Variants in FGF14 observed in about 807,000 individuals in gnomAD.
The protein encoded by FGF14 is fibroblast growth factor 14.
Under a neutral mutation model 25.5 loss-of-function variants are expected in FGF14, and 5 were observed. That is an observed-to-expected ratio of 0.20 (90% CI 0.10 to 0.41). The LOEUF (loss-of-function observed/expected upper bound fraction) is 0.41, where lower values mean the gene tolerates loss of function less well. FGF14 is among the 10% of genes least tolerant of loss of function. FGF14 has a pLI of 1.00. For synonymous variants in FGF14, 138 were observed against 118.3 expected, an observed-to-expected ratio of 1.17 and a Z score of -1.08; for missense variants, 222 against 320.1, an observed-to-expected ratio of 0.69 and a Z score of 2.34.
At position 101,823,783 on chromosome 13, in the gene FGF14, A is replaced by G. The variant is rs538982590; in HGVS notation, c.408+44942T>C. ...ATATCTTATACAAGATATACTATGT[A>G]TAGTATCTATAAAGATACATATTAT... On this transcript the variant is annotated intron_variant, in intron 3 of 4. Coordinates refer to ENST00000376143, the MANE Select transcript of FGF14 (RefSeq NM_004115.4). Among the ~76,000 whole-genome samples, 4 of 150,162 alleles carry G rather than the reference A, an allele frequency of 2.7e-5. 1 individual carries two copies. Among genetic ancestry groups the G allele is most frequent in the African/African-American group, 9.7e-5 (4 of 41,174 alleles).
At chr13:102,161,650 A>G (rs1390447713) in intron 1 of FGF14, among the ~76,000 whole-genome samples, 495 of 42,800 alleles carry the variant, frequency 0.012, 21 homozygotes, top group Non-Finnish European at 0.018. Flanking sequence ...GAAGAAGAAG[A>G]AGAAGAAGAA....
rs1242268201 is a variant in FGF14, at chr13:102,256,815, G to T, written c.208+144656C>A. Among the ~76,000 whole-genome samples the T allele has an allele frequency of 6.6e-5, 10 of 152,102 alleles. No individual in the cohort carries two copies. The East Asian group carries it at 1.9e-3, about 29-fold the overall frequency. ...TAATACAATAAAATTAGTCCATGTA[G>T]AACAGTTTGACTTTAAGTTATATGT... On this transcript the variant is annotated intron_variant, in intron 1 of 4. Transcript: ENST00000376131.
At chr13:102,286,607 T>C (rs538606767) in intron 1 of FGF14, among the ~76,000 whole-genome samples, 1 of 152,280 alleles carries the variant, frequency 6.6e-6, no homozygotes, top group East Asian at 1.9e-4. Context: ...TAAATAAATG[T>C]ATCCGTGAAT....
intron 1 of FGF14, among the ~76,000 whole-genome samples, chr13:102,120,024 C>A (rs1344533113): frequency 6.6e-6 from 1 of 152,144 alleles, no homozygotes; most frequent in Non-Finnish European, 1.5e-5. Context: ...TAGATTCTGG[C>A]ATCTCCTGGC....
chr13:101,959,145 G>A (rs892041174), intron 1 of FGF14, among the ~76,000 whole-genome samples: 6 of 152,008 alleles, frequency 3.9e-5, no homozygotes, highest in Admixed American at 6.6e-5. Flanking sequence ...TAGATCCCTC[G>A]CATGCACAGT....
At chr13:102,182,118 T>G (rs2048700099) in intron 1 of FGF14, among the ~76,000 whole-genome samples, 1 of 152,134 alleles carries the variant, frequency 6.6e-6, no homozygotes, top group African/African-American at 2.4e-5. Context: ...GTGGGCCCAG[T>G]GTAATCACAT....
At chr13:101,942,324 G>A (rs542453455) in intron 1 of FGF14, among the ~76,000 whole-genome samples, 1 of 152,052 alleles carries the variant, frequency 6.6e-6, no homozygotes, top group South Asian at 2.1e-4. Context: ...CCCTTAGACA[G>A]AGCAGAAGCC....
chr13:102,246,288 C>A (rs1202636082), intron 1 of FGF14, among the ~76,000 whole-genome samples: 1 of 152,040 alleles, frequency 6.6e-6, no homozygotes, highest in African/African-American at 2.4e-5. Context: ...CACCCCTTGG[C>A]AGTCATTATA....
At position 101,721,674 on chromosome 13, in the gene FGF14, T is replaced by TAACG. The variant is rs1482210451; in HGVS notation, c.*1153_*1156dup. The TAACG allele has an allele frequency of 1.3e-5, 2 of 152,244 alleles. No homozygotes were observed. The highest frequency in any genetic ancestry group is 4.8e-5 in the African/African-American group (2 of 41,550). The allele number at this position is 152,244 out of a possible 1,614,324, so 9.4% of individuals were successfully genotyped here. A position where few individuals can be genotyped will look rare whatever the true frequency, so the allele number is the denominator to read the frequency against. On this transcript the variant is annotated 3_prime_UTR_variant, in exon 5 of 5. Coordinates refer to ENST00000376143, the MANE Select transcript of FGF14 (RefSeq NM_004115.4). Reference sequence around the variant, plus strand: ...TATTAAAGTCTAATTAATTTATAACTAACGTTTGCATTGCTGCTGCAGGAA... The same window carrying TAACG: ...TATTAAAGTCTAATTAATTTATAACTAACGAACGTTTGCATTGCTGCTGCAGGAA...
At chr13:102,393,914 T>C (rs1267104504) in intron 1 of FGF14, 2 of 152,174 alleles carry the variant, frequency 1.3e-5, no homozygotes, top group Non-Finnish European at 2.9e-5. Flanking sequence ...ACAATTTAAA[T>C]ATATAGTTAA....
chr13:102,155,229 T>C lies in FGF14; in HGVS notation c.208+246242A>G, dbSNP rs1487202685. Among the ~76,000 whole-genome samples, 5 of 152,120 alleles carry C rather than the reference T, an allele frequency of 3.3e-5. No homozygotes were observed. In the South Asian group the frequency reaches 8.3e-4, roughly 25 times the overall value. ...ATATACATTCTTTTCAGCACCACAC[T>C]ACACCTATTCCAAAATTGACCACAT... On this transcript the variant is annotated intron_variant, in intron 1 of 4. Coordinates refer to the FGF14 transcript ENST00000376131.
chr13:101,832,260 CAGAG>C (rs2042707007), intron 3 of FGF14, among the ~76,000 whole-genome samples: 1 of 151,950 alleles, frequency 6.6e-6, no homozygotes, highest in Non-Finnish European at 1.5e-5. Context: ...CTAAGTGCTC[CAGAG>C]AGAGCACGGC....
chr13:101,873,780 A>C (rs2045242588), intron 2 of FGF14, among the ~76,000 whole-genome samples: 1 of 152,116 alleles, frequency 6.6e-6, no homozygotes, highest in Non-Finnish European at 1.5e-5. Context: ...AAGCTGCAAA[A>C]GTACATGTTT....
At chr13:102,372,994 T>A (rs2057933198) in intron 1 of FGF14, among the ~76,000 whole-genome samples, 1 of 152,108 alleles carries the variant, frequency 6.6e-6, no homozygotes, top group South Asian at 2.1e-4. Context: ...GAGGTGAAAC[T>A]CAAACACAGC....
chr13:101,793,240 AT>A (rs1225523370), intron 3 of FGF14, among the ~76,000 whole-genome samples: 1 of 152,172 alleles, frequency 6.6e-6, no homozygotes, highest in African/African-American at 2.4e-5. Flanking sequence ...ATTGTTTTAC[AT>A]TCCACATATA....
At chr13:102,401,580 A>G (rs913297501) in exon 1 of FGF14, 4 of 1,614,074 alleles carry the variant, frequency 2.5e-6, no homozygotes, top group African/African-American at 1.3e-5. Flanking sequence ...GCGAAAAGCA[A>G]TCCAGCAGCT....
chr13:101,714,767 T>C lies in FGF14; in HGVS notation c.*8064A>G, dbSNP rs1465434629. On this transcript the variant is annotated 3_prime_UTR_variant, in exon 5 of 5. Coordinates refer to ENST00000376143, the MANE Select transcript of FGF14 (RefSeq NM_004115.4). ...AATACAAGAGAATGAAGCTAAATTTTGTGATTATTTGGGATCCTTCCACAA... is the reference window on the plus strand; with the variant it reads ...AATACAAGAGAATGAAGCTAAATTTCGTGATTATTTGGGATCCTTCCACAA... The C allele has an allele frequency of 1.9e-6, 1 of 536,678 alleles. No individual in the cohort carries two copies. Among genetic ancestry groups the C allele is most frequent in the Non-Finnish European group, 3.3e-6 (1 of 301,856 alleles). 33.2% of individuals were successfully genotyped at this position (536,678 alleles called of 1,614,324 possible). A position where few individuals can be genotyped will look rare whatever the true frequency, so the allele number is the denominator to read the frequency against.
intron 1 of FGF14, among the ~76,000 whole-genome samples, chr13:102,385,405 A>G (rs576222005): frequency 2.0e-5 from 3 of 152,326 alleles, no homozygotes; most frequent in South Asian, 2.1e-4. Context: ...TACTGTACCA[A>G]TGAATAAATA....
chr13:101,867,930 ACACACG>A (rs775427044), intron 3 of FGF14, among the ~76,000 whole-genome samples: 3,180 of 130,182 alleles, frequency 0.024, 92 homozygotes, highest in African/African-American at 0.067. Context: ...ACACACACAC[ACACACG>A]CGCACACACA....
Sources: gnomAD v4.1 joint callset for allele counts (sites outside exome capture counted in the v4.1 genomes callset) on GRCh38, gnomAD v4.1.1 for gene constraint, MANE v1.5 for transcripts, NCBI Gene and HGNC (gene_info 2026-07-23, HGNC 2026-07-21) for gene names.